The following EXOSC2 variants were observed in gnomAD, a reference collection of about 807,000 sequenced individuals.
EXOSC2 encodes the protein exosome complex component RRP4.
In EXOSC2, 29 loss-of-function variants were observed where a neutral mutation model predicts 37.6. That is an observed-to-expected ratio of 0.77 (90% CI 0.57 to 1.05). EXOSC2 has a LOEUF of 1.05. EXOSC2 is among the 50% of genes least tolerant of loss of function. The pLI is 0.00. For missense variants in EXOSC2, 346 were observed against 365.6 expected, an observed-to-expected ratio of 0.95 and a Z score of 0.44; for synonymous variants, 119 against 131.1, an observed-to-expected ratio of 0.91 and a Z score of 0.63.
chr9:130,703,606 G>T, intron 8 of EXOSC2, 88 bp from the exon 9 acceptor site: 1 of 1,036,198 alleles, frequency 9.7e-7, no homozygotes, highest in South Asian at 1.5e-5. Flanking sequence ...GAAAGTTTAT[G>T]TTAACGGCTT....
chr9:130,698,285 C>G lies in EXOSC2; in HGVS notation c.360+34C>G, dbSNP rs769713510. 1.1e-5 allele frequency: 18 copies of G among 1,598,116 alleles called. No homozygotes were observed. Among genetic ancestry groups the G allele is most frequent in the Non-Finnish European group, 1.5e-5 (18 of 1,166,618 alleles). On this transcript the variant is annotated intron_variant, in intron 4 of 8. Coordinates refer to ENST00000372358, the MANE Select transcript of EXOSC2 (RefSeq NM_014285.7). The surrounding 1 kb of genome is among the most constrained non-coding windows in gnomAD (Gnocchi z 4.1). ...TACAGCTGGGGCCATGGACTAGGGC[C>G]CAGTGGGCTGGGGGGAGCCGTGGGA... is the stretch of plus-strand genomic sequence containing the variant.
Position 130,697,573 on chromosome 9 carries a change from G to A in EXOSC2, c.225-9G>A, listed in dbSNP as rs1243521527. The A allele has an allele frequency of 6.2e-7, 1 of 1,613,988 alleles. No homozygotes were observed. Among genetic ancestry groups the A allele is most frequent in the Non-Finnish European group, 8.5e-7 (1 of 1,179,862 alleles). On this transcript the variant is annotated splice_polypyrimidine_tract_variant and intron_variant, in intron 2 of 8. Coordinates refer to ENST00000372358, the MANE Select transcript of EXOSC2 (RefSeq NM_014285.7). Reference sequence around the variant, plus strand: ...CAGATGGATGAACCCCTTGTGTTTTGTCTTTCAGATACATTGGTGAAGTAG... The same window carrying A: ...CAGATGGATGAACCCCTTGTGTTTTATCTTTCAGATACATTGGTGAAGTAG...
Position 130,703,877 on chromosome 9 carries a change from T to C in EXOSC2, c.*103T>C. On this transcript the variant is annotated 3_prime_UTR_variant, in exon 9 of 9. Transcript: ENST00000372358. ...GCAAAGACTCGAGAGATCATCCCTT[T>C]GTCTGCATTGACGGCCCTGTGACGG... 1.1e-6 allele frequency: 1 copy of C among 938,216 alleles called. No homozygotes were observed. The highest frequency in any genetic ancestry group is 1.8e-5 in the South Asian group (1 of 55,376). 58.1% of individuals were successfully genotyped at this position (938,216 alleles called of 1,614,324 possible). A position where few individuals can be genotyped will look rare whatever the true frequency, so the allele number is the denominator to read the frequency against.
intron 1 of EXOSC2, among the ~76,000 whole-genome samples, chr9:130,695,290 A>G (rs1214680938): frequency 6.6e-6 from 1 of 152,146 alleles, no homozygotes; most frequent in African/African-American, 2.4e-5. Context: ...AGAAAGTGAC[A>G]CCTGAGCAGA....
In EXOSC2 at chr9:130,694,416, G is replaced by T. The variant is rs762673025; in HGVS notation, c.122+503G>T. Among the ~76,000 whole-genome samples the T allele has an allele frequency of 2.0e-5, 3 of 152,136 alleles. No homozygotes were observed. Among genetic ancestry groups the T allele is most frequent in the African/African-American group, 7.2e-5 (3 of 41,410 alleles). ...CAGTGTATTGTGGTTAAGAGGGAAG[G>T]CTCTTGAGTCAGACAGTTGGGGTTC... is the stretch of plus-strand genomic sequence containing the variant. On this transcript the variant is annotated intron_variant, in intron 1 of 8. Coordinates refer to ENST00000372358, the MANE Select transcript of EXOSC2 (RefSeq NM_014285.7). This position sits in a 1 kb window ranked among gnomAD's most constrained non-coding sequence, Gnocchi z 4.0.
intron 4 of EXOSC2, 88 bp from the exon 5 acceptor site, chr9:130,699,241 C>G (rs1831160206): frequency 7.2e-7 from 1 of 1,386,620 alleles, no homozygotes; most frequent in Non-Finnish European, 1.0e-6. Flanking sequence ...TGGTTGGCCT[C>G]AAACATCTCA....
chr9:130,701,951 A>G lies in EXOSC2; in HGVS notation c.496-183A>G. On this transcript the variant is annotated intron_variant, in intron 6 of 8. Coordinates refer to ENST00000372358, the MANE Select transcript of EXOSC2 (RefSeq NM_014285.7). Reference sequence around the variant, plus strand: ...GGTCACCTTCTGCTGGGATGTATGAATAGCCTCTGAGTCCCAAAGCGTTCT... The same window carrying G: ...GGTCACCTTCTGCTGGGATGTATGAGTAGCCTCTGAGTCCCAAAGCGTTCT... 24 of 1,412,554 alleles carry G rather than the reference A, an allele frequency of 1.7e-5. No homozygotes were observed. In the South Asian group the frequency reaches 3.1e-4, roughly 18 times the overall value. 87.5% of individuals were successfully genotyped at this position (1,412,554 alleles called of 1,614,324 possible).
Position 130,703,177 on chromosome 9 carries a change from A to G in EXOSC2, c.797A>G (p.His266Arg), listed in dbSNP as rs1831256839. ...TACTGCTATGAAGCATCCCTTCCAC[A>G]TCAGGTACTCTCCCCAGGGCCTCTC... ...ILYCYEASLP[H>R]QIKDILKPEI... The change falls in exon 8 of 9, where the codon CAT becomes CGT. Residue 266 changes from histidine (H) to arginine (R), a missense_variant. Transcript: ENST00000372358. The G allele has an allele frequency of 6.2e-7, 1 of 1,609,748 alleles. No homozygotes were observed. Among genetic ancestry groups the G allele is most frequent in the African/African-American group, 1.3e-5 (1 of 74,822 alleles).
At chr9:130,702,452 A>C in intron 7 of EXOSC2, 142 bp downstream of exon 7, 1 of 658,412 alleles carries the variant, frequency 1.5e-6, no homozygotes, top group East Asian at 2.8e-5. Context: ...CGGTATGTTC[A>C]TGAAGCCCAT....
Position 130,694,048 on chromosome 9 carries a change from C to T in EXOSC2, c.122+135C>T. 1 of 1,026,122 alleles carries T rather than the reference C, an allele frequency of 9.7e-7. No homozygotes were observed. Among genetic ancestry groups the T allele is most frequent in the Non-Finnish European group, 1.3e-6 (1 of 745,498 alleles). 63.6% of individuals were successfully genotyped at this position (1,026,122 alleles called of 1,614,324 possible). A position where few individuals can be genotyped will look rare whatever the true frequency, so the allele number is the denominator to read the frequency against. ...CACTTCGTCTGAGCATCCTACACAC[C>T]TCGCTTCCGAGCCTCGTGCTTCTTG... On this transcript the variant is annotated intron_variant, in intron 1 of 8. Transcript: ENST00000372358. This position sits in a 1 kb window ranked among gnomAD's most constrained non-coding sequence, Gnocchi z 4.0.
Position 130,693,875 on chromosome 9 carries a change from G to C in EXOSC2, c.84G>C (p.Val28=). 2 of 1,612,356 alleles carry C rather than the reference G, an allele frequency of 1.2e-6. No individual in the cohort carries two copies. The highest frequency in any genetic ancestry group is 1.7e-6 in the Non-Finnish European group (2 of 1,178,734). ...GCGACACTAAGAAACATCTAGTGGT[G>C]CCGGGGGATACAATCACTACGGACA... is the stretch of plus-strand genomic sequence containing the variant. ...LGRDTKKHLV[V]PGDTITTDTG... The change falls in exon 1 of 9, where the codon GTG becomes GTC. Residue 28 remains valine (V), a synonymous_variant. Transcript: ENST00000372358.
intron 2 of EXOSC2, 75 bp downstream of exon 2, chr9:130,695,668 A>C: frequency 1.6e-6 from 2 of 1,264,710 alleles, no homozygotes; most frequent in Non-Finnish European, 2.3e-6. Context: ...CCCCCTCCTT[A>C]TCCCCCACCC....
In EXOSC2 at chr9:130,699,403, C is replaced by T. The variant is rs369854065; in HGVS notation, c.426+9C>T. ...AAGGGGACCTTATCAGTGTATCCTG[C>T]GCTTTGCACTCCAGCCTCTTGATGC... is the stretch of plus-strand genomic sequence containing the variant. On this transcript the variant is annotated intron_variant, in intron 5 of 8. Coordinates refer to ENST00000372358, the MANE Select transcript of EXOSC2 (RefSeq NM_014285.7). The T allele has an allele frequency of 5.4e-4, 871 of 1,613,528 alleles. No homozygotes were observed. Among genetic ancestry groups the T allele is most frequent in the Non-Finnish European group, 7.0e-4 (829 of 1,179,564 alleles).
Position 130,694,903 on chromosome 9 carries a change from G to T in EXOSC2, c.123-589G>T, listed in dbSNP as rs1390445946. Among the ~76,000 whole-genome samples, 7 of 151,400 alleles carry T rather than the reference G, an allele frequency of 4.6e-5. No homozygotes were observed. The East Asian group carries it at 1.2e-3, about 25-fold the overall frequency. The stretch of plus-strand genomic sequence containing the variant: ...TTTTTTTTTTTTTAGTAGAGACAGG[G>T]TTTCACTGTGTTGGCCAGGCTGGTC... On this transcript the variant is annotated intron_variant, in intron 1 of 8. Transcript: ENST00000372358. The surrounding 1 kb of genome is among the most constrained non-coding windows in gnomAD (Gnocchi z 4.0).
At position 130,703,676 on chromosome 9, in the gene EXOSC2, G is replaced by A. The variant is rs1464667329; in HGVS notation, c.802-18G>A. On this transcript the variant is annotated intron_variant, in intron 8 of 8. Coordinates refer to ENST00000372358, the MANE Select transcript of EXOSC2 (RefSeq NM_014285.7). ...TGGTTGGTTTCTTTTCTGAACAAAT[G>A]CCTTTTCCCTTTTTCAGATCAAAGA... 3 of 1,607,222 alleles carry A rather than the reference G, an allele frequency of 1.9e-6. No individual in the cohort carries two copies. Among genetic ancestry groups the A allele is most frequent in the Non-Finnish European group, 1.7e-6 (2 of 1,175,220 alleles).
rs113854279 is a variant in EXOSC2 at position 130,701,857 on chromosome 9, C to G, written c.496-277C>G. The G allele has an allele frequency of 6.7e-6, 8 of 1,187,354 alleles. No individual in the cohort carries two copies. In the African/African-American group the frequency reaches 1.3e-4, roughly 19 times the overall value. The allele number at this position is 1,187,354 out of a possible 1,614,324, so 73.6% of individuals were successfully genotyped here. ...TCATTGGCTTCAGCTTCTCTAATGT[C>G]TGGCACATGAGTTCTGGCTTAGAGT... is the stretch of plus-strand genomic sequence containing the variant. On this transcript the variant is annotated intron_variant, in intron 6 of 8. Transcript: ENST00000372358.
intron 1 of EXOSC2, 129 bp from the exon 2 acceptor site, chr9:130,695,363 G>A: frequency 2.7e-6 from 2 of 747,616 alleles, no homozygotes; most frequent in Admixed American, 3.9e-5. Context: ...GGCAGAGGGA[G>A]CAGCCAGCAC....
At position 130,699,329 on chromosome 9, in the gene EXOSC2, A is replaced by C. The variant is rs778566059; in HGVS notation, c.361A>C (p.Arg121=). 11 of 1,614,022 alleles carry C rather than the reference A, an allele frequency of 6.8e-6. No individual in the cohort carries two copies. Among genetic ancestry groups the C allele is most frequent in the African/African-American group, 1.3e-5 (1 of 74,926 alleles). Residue 121 remains arginine, a splice_region_variant and synonymous_variant, in exon 5 of 9, where the codon AGG becomes CGG. Transcript: ENST00000372358. The stretch of plus-strand genomic sequence containing the variant: ...AATGTCATTTCTTTGTGTATTTCAG[A>C]GGAGAAGATCTGCAGAAGATGAGCT... ...SSMNLPGGEL[R]RRSAEDELAM...
intron 2 of EXOSC2, among the ~76,000 whole-genome samples, chr9:130,696,082 C>T (rs1831089123): frequency 6.6e-6 from 1 of 152,076 alleles, no homozygotes; most frequent in South Asian, 2.1e-4. Context: ...AGGCTGGTCT[C>T]GAACTGCTGA....
Sources: gnomAD v4.1 joint callset for allele counts (sites outside exome capture counted in the v4.1 genomes callset) on GRCh38, gnomAD v4.1.1 for gene constraint, Gnocchi (gnomAD v3.1) non-coding constraint, MANE v1.5 for transcripts, NCBI Gene and HGNC (gene_info 2026-07-23, HGNC 2026-07-21) for gene names.